FANCL: variants seen among roughly 807,000 people sequenced by gnomAD.
The protein encoded by FANCL is FA complementation group L.
A neutral mutation model predicts 59.4 loss-of-function variants in FANCL; 69 were observed. That is an observed-to-expected ratio of 1.16 (90% CI 0.96 to 1.42). FANCL has a LOEUF of 1.42. FANCL is among the 40% of genes most tolerant of loss of function. The pLI, the probability that FANCL is intolerant of heterozygous loss-of-function variation, is 0.00. For synonymous variants in FANCL, 180 were observed against 147.1 expected (o/e 1.22, Z -1.62); for missense variants, 519 against 447.2 (o/e 1.16, Z -1.45).
At chr2:58,160,920 C>T (rs1167196966) in intron 12 of FANCL, among the ~76,000 whole-genome samples, 1 of 151,936 alleles carries the variant, frequency 6.6e-6, no homozygotes, top group Non-Finnish European at 1.5e-5. Flanking sequence ...TATATAGTTA[C>T]ACACAGTTTA....
At chr2:58,200,754 A>G (rs1174695609) in intron 6 of FANCL, among the ~76,000 whole-genome samples, 4 of 151,922 alleles carry the variant, frequency 2.6e-5, no homozygotes, top group Non-Finnish European at 5.9e-5. Flanking sequence ...GTTAAACAAA[A>G]AAGCAAGTTA....
At chr2:58,217,145 T>G (rs371223229) in intron 5 of FANCL, among the ~76,000 whole-genome samples, 2 of 67,626 alleles carry the variant, frequency 3.0e-5, no homozygotes, top group Non-Finnish European at 6.6e-5. Context: ...ATATATAGAT[T>G]TATATATATA....
At chr2:58,194,379 C>G (rs977506437) in intron 7 of FANCL, 47 of 451,700 alleles carry the variant, frequency 1.0e-4, no homozygotes, top group African/African-American at 9.1e-4. Flanking sequence ...CACATCTGAC[C>G]TGTATGTAAA....
chr2:58,225,389 T>C (rs1014490923), intron 4 of FANCL, among the ~76,000 whole-genome samples: 2 of 151,984 alleles, frequency 1.3e-5, no homozygotes, highest in East Asian at 3.8e-4. Context: ...AGAAGTTCTC[T>C]ACAGAAGATT....
At chr2:58,228,071 A>T (rs909573906) in intron 3 of FANCL, among the ~76,000 whole-genome samples, 6 of 151,478 alleles carry the variant, frequency 4.0e-5, no homozygotes, top group Non-Finnish European at 5.9e-5. Flanking sequence ...CAATATGGTC[A>T]TTTTTTTTAT....
chr2:58,230,401 C>A (rs377408383), intron 2 of FANCL, among the ~76,000 whole-genome samples: 39 of 152,158 alleles, frequency 2.6e-4, no homozygotes, highest in African/African-American at 9.2e-4. Context: ...CTCCTAGGCT[C>A]AAGAAACCCT....
chr2:58,196,732 T>C (rs1453297895), intron 7 of FANCL, among the ~76,000 whole-genome samples: 4 of 151,896 alleles, frequency 2.6e-5, no homozygotes, highest in Non-Finnish European at 4.4e-5. Flanking sequence ...CACAGATAAA[T>C]GCCTGGGGAA....
intron 7 of FANCL, among the ~76,000 whole-genome samples, chr2:58,173,580 A>G (rs1390692291): frequency 6.6e-6 from 1 of 152,196 alleles, no homozygotes; most frequent in Admixed American, 6.5e-5. Flanking sequence ...ACAGACAAGC[A>G]AACGCTGAGA....
intron 7 of FANCL, among the ~76,000 whole-genome samples, chr2:58,184,499 A>G (rs1688216351): frequency 6.6e-6 from 1 of 152,104 alleles, no homozygotes; most frequent in Admixed American, 6.6e-5. Flanking sequence ...GTGAAGATCC[A>G]AAAATTACAA....
intron 7 of FANCL, among the ~76,000 whole-genome samples, chr2:58,193,550 T>C (rs1689142974): frequency 6.6e-6 from 1 of 152,178 alleles, no homozygotes. Flanking sequence ...AAATTTTCTT[T>C]GTTTTGATCC....
At chr2:58,202,555 G>A (rs1472549593) in intron 6 of FANCL, among the ~76,000 whole-genome samples, 2 of 150,750 alleles carry the variant, frequency 1.3e-5, no homozygotes, top group African/African-American at 4.9e-5. Flanking sequence ...TTCCTTCCCA[G>A]CTTAAATAAA....
intron 7 of FANCL, among the ~76,000 whole-genome samples, chr2:58,175,261 G>A (rs553966596): frequency 0.014 from 2,055 of 146,390 alleles, 59 homozygotes; most frequent in African/African-American, 0.051. Context: ...AGAAAAAGAG[G>A]GAATCCTCCC....
chr2:58,212,430 C>T (rs1198069971), intron 5 of FANCL, among the ~76,000 whole-genome samples: 2 of 152,120 alleles, frequency 1.3e-5, no homozygotes, highest in Non-Finnish European at 2.9e-5. Flanking sequence ...ACAGGGGATA[C>T]AGAACCAAAC....
At chr2:58,183,550 T>C (rs1405605953) in intron 7 of FANCL, among the ~76,000 whole-genome samples, 2 of 151,870 alleles carry the variant, frequency 1.3e-5, no homozygotes, top group Non-Finnish European at 2.9e-5. Context: ...TCAAGAGTGG[T>C]TTTGTTCTCA....
intron 1 of FANCL, among the ~76,000 whole-genome samples, chr2:58,237,839 G>A (rs1210894298): frequency 2.0e-5 from 3 of 152,160 alleles, no homozygotes; most frequent in Non-Finnish European, 1.5e-5. Context: ...TAAAGCAGAA[G>A]TAAATGTGTG....
intron 5 of FANCL, among the ~76,000 whole-genome samples, chr2:58,215,399 C>T (rs569800007): frequency 2.0e-5 from 3 of 152,182 alleles, no homozygotes; most frequent in Non-Finnish European, 4.4e-5. Context: ...TAATATAGTA[C>T]ACTTACAATT....
rs370192898 is a variant in FANCL at position 58,168,465 on chromosome 2, T to G, written c.541-2591A>C. On this transcript the variant is annotated intron_variant, in intron 7 of 13. Coordinates refer to ENST00000233741, the MANE Select transcript of FANCL (RefSeq NM_018062.4). ...CTTCACAACCCGCAGATCAGGAGAT[T>G]CCCTCTGGTGCCTATTTCACCAGGG... Among the ~76,000 whole-genome samples the G allele has an allele frequency of 2.4e-4, 36 of 152,212 alleles. No homozygotes were observed. The East Asian group carries it at 4.6e-3, about 20-fold the overall frequency.
At chr2:58,226,867 T>A in intron 3 of FANCL, 83 bp from the exon 4 acceptor site, 2 of 1,156,896 alleles carry the variant, frequency 1.7e-6, no homozygotes, top group Non-Finnish European at 2.6e-6. Flanking sequence ...TAGGCCCAAG[T>A]GAATGTGAAA....
intron 7 of FANCL, among the ~76,000 whole-genome samples, chr2:58,182,675 G>A (rs1263888017): frequency 6.6e-6 from 1 of 151,578 alleles, no homozygotes; most frequent in East Asian, 1.9e-4. Context: ...ACTGAAGAAT[G>A]CAATCCTCAC....
Sources: gnomAD v4.1 joint callset for allele counts (sites outside exome capture counted in the v4.1 genomes callset) on GRCh38, gnomAD v4.1.1 for gene constraint, MANE v1.5 for transcripts, NCBI Gene and HGNC (gene_info 2026-07-23, HGNC 2026-07-21) for gene names.